The following DGKZ variants were observed in gnomAD, a reference collection of about 807,000 sequenced individuals.
DGKZ encodes the protein DAG kinase zeta.
DGKZ carries 45 observed loss-of-function variants against 142.5 expected under a neutral mutation model. That is an observed-to-expected ratio of 0.32 (90% CI 0.25 to 0.40). DGKZ has a LOEUF of 0.40. Among genes scored for constraint, DGKZ ranks in the 10% least tolerant of loss-of-function variants. The pLI is 1.00. For synonymous variants in DGKZ, 442 were observed against 527.0 expected (o/e 0.84, Z 2.21); for missense variants, 755 against 1,306.5 (o/e 0.58, Z 6.51).
At chr11:46,335,427 G>GCGCA (rs796839357) in intron 1 of DGKZ, among the ~76,000 whole-genome samples, 1 of 147,842 alleles carries the variant, frequency 6.8e-6, no homozygotes, top group African/African-American at 2.5e-5. Context: ...ACACGTGCAC[G>GCGCA]CACACACACA....
In DGKZ at chr11:46,367,797, G is replaced by A. The variant is rs1332617338; in HGVS notation, c.366+50G>A. On this transcript the variant is annotated intron_variant, in intron 3 of 30. Transcript: ENST00000527911. The surrounding 1 kb of genome is among the most constrained non-coding windows in gnomAD (Gnocchi z 4.1). Reference sequence around the variant, plus strand: ...CCCCCTGCTGGTGGAGCCAGTAGCCGCAGCCCTTCCGGGAACGTGGGATTG... The same window carrying A: ...CCCCCTGCTGGTGGAGCCAGTAGCCACAGCCCTTCCGGGAACGTGGGATTG... 7 of 1,605,324 alleles carry A rather than the reference G, an allele frequency of 4.4e-6. No individual in the cohort carries two copies. The highest frequency in any genetic ancestry group is 4.3e-6 in the Non-Finnish European group (5 of 1,173,438).
In DGKZ at chr11:46,378,543, C is replaced by T. The variant is rs368086092; in HGVS notation, c.2418+43C>T. ...CAGTTCCTTCCCCCAGCAGCTCCCT[C>T]GGGCCCTGGGGAGCGAGGCCTCTGG... On this transcript the variant is annotated intron_variant, in intron 27 of 30. Coordinates refer to ENST00000527911, the Ensembl canonical transcript of DGKZ. The T allele has an allele frequency of 3.3e-5, 53 of 1,612,542 alleles. No homozygotes were observed. The African/African-American group carries it at 5.2e-4, about 16-fold the overall frequency.
At chr11:46,379,431 G>C in intron 29 of DGKZ, 38 bp from the exon 30 acceptor site, 1 of 1,596,078 alleles carries the variant, frequency 6.3e-7, no homozygotes, top group Non-Finnish European at 8.5e-7. Flanking sequence ...TGGATCAGGG[G>C]ACGGGATGGG....
At chr11:46,359,065 C>T (rs1942341257) in intron 1 of DGKZ, among the ~76,000 whole-genome samples, 1 of 151,980 alleles carries the variant, frequency 6.6e-6, no homozygotes, top group Non-Finnish European at 1.5e-5. Context: ...ATCACTTGAG[C>T]CTGGGAGGAG....
chr11:46,376,662 C>T, intron 24 of DGKZ, 98 bp downstream of exon 24: 1 of 1,486,288 alleles, frequency 6.7e-7, no homozygotes, highest in East Asian at 2.3e-5. Flanking sequence ...GATGGGCTCA[C>T]CTCTGTCCTC....
intron 29 of DGKZ, 112 bp from the exon 30 acceptor site, chr11:46,379,357 A>G: frequency 6.4e-7 from 1 of 1,568,122 alleles, no homozygotes; most frequent in South Asian, 1.2e-5. Flanking sequence ...CCCCTGGGCC[A>G]CCCCTATTGC....
Position 46,372,367 on chromosome 11 carries a change from C to T in DGKZ, c.928-61C>T. The stretch of plus-strand genomic sequence containing the variant: ...TTCCCACAGTCACACCCCTCTCCCT[C>T]TGCTGCTCCCACTTCGTCCCACCAC... On this transcript the variant is annotated intron_variant, in intron 10 of 30. Transcript: ENST00000527911. This position sits in a 1 kb window ranked among gnomAD's most constrained non-coding sequence, Gnocchi z 5.9. 6.4e-7 allele frequency: 1 copy of T among 1,573,038 alleles called. No individual in the cohort carries two copies. Among genetic ancestry groups the T allele is most frequent in the South Asian group, 1.1e-5 (1 of 89,980 alleles).
At chr11:46,377,502 C>A (rs1183605016) in intron 25 of DGKZ, 2 of 464,968 alleles carry the variant, frequency 4.3e-6, no homozygotes, top group African/African-American at 4.0e-5. Context: ...CCTACTGCCA[C>A]CAGCCCTTCC....
At chr11:46,370,584 G>C (rs933566032) in intron 6 of DGKZ, among the ~76,000 whole-genome samples, 1 of 152,194 alleles carries the variant, frequency 6.6e-6, no homozygotes, top group Non-Finnish European at 1.5e-5. Flanking sequence ...GGAAGCGGCA[G>C]TAAATTTCTT....
chr11:46,364,721 C>G (rs1943063063), intron 1 of DGKZ: 1 of 985,340 alleles, frequency 1.0e-6, no homozygotes, highest in African/African-American at 1.7e-5. Flanking sequence ...GACGTGCGGC[C>G]TGGGCCTGAC....
chr11:46,361,719 C>T (rs570745637), intron 1 of DGKZ: 2 of 967,930 alleles, frequency 2.1e-6, no homozygotes, highest in East Asian at 1.1e-4. Flanking sequence ...CAAAAGGGGC[C>T]CCCAGCCCCT....
chr11:46,345,511 G>A (rs566687195), upstream of DGKZ: 28 of 1,519,104 alleles, frequency 1.8e-5, no homozygotes, highest in South Asian at 6.2e-5. This position sits in a 1 kb window ranked among gnomAD's most constrained non-coding sequence, Gnocchi z 4.1. Flanking sequence ...GGGAGCGGCC[G>A]GGGTCACTGA....
chr11:46,370,082 C>T, intron 6 of DGKZ, 73 bp downstream of exon 6: 3 of 1,582,770 alleles, frequency 1.9e-6, no homozygotes, highest in South Asian at 2.2e-5. Flanking sequence ...GCCGGTGTGG[C>T]CTGCCGATCA....
intron 30 of DGKZ, 118 bp downstream of exon 30, chr11:46,379,686 AC>A: frequency 1.6e-6 from 2 of 1,284,594 alleles, no homozygotes; most frequent in South Asian, 1.5e-5. Flanking sequence ...ACCCTGGGAA[AC>A]CTGAGCCAGC....
chr11:46,365,697 G>A, intron 1 of DGKZ: 1 of 985,416 alleles, frequency 1.0e-6, no homozygotes, highest in Non-Finnish European at 1.2e-6. Flanking sequence ...GCCTCATTTT[G>A]TTATAGCTTG....
At position 46,367,709 on chromosome 11, in the gene DGKZ, T is replaced by A; in HGVS notation, c.328T>A (p.Cys110Ser). The A allele has an allele frequency of 6.2e-7, 1 of 1,612,454 alleles. No homozygotes were observed. ...CGAGACCAACGTGTCCGGGGACTTC[T>A]GCTACGTTGGGGAGCAGTACTGTGT... The change falls in exon 3 of 31, where the codon TGC becomes AGC. Residue 110 changes from cysteine to serine, a missense_variant. By Grantham distance (112) the Cys-to-Ser change is moderately radical. Coordinates refer to ENST00000527911, the Ensembl canonical transcript of DGKZ. The surrounding 1 kb of genome is among the most constrained non-coding windows in gnomAD (Gnocchi z 4.1).
intron 1 of DGKZ, among the ~76,000 whole-genome samples, chr11:46,361,299 C>T (rs1942619121): frequency 6.6e-6 from 1 of 152,206 alleles, no homozygotes; most frequent in South Asian, 2.1e-4. Flanking sequence ...CCCACTTCTC[C>T]CTCCTTAGAC....
At chr11:46,366,790 G>T in intron 1 of DGKZ, 1 of 1,547,574 alleles carries the variant, frequency 6.5e-7, no homozygotes. Flanking sequence ...ACGCTCTCTG[G>T]GGCCTGCACG....
intron 1 of DGKZ, chr11:46,366,736 C>A: frequency 6.4e-7 from 1 of 1,552,528 alleles, no homozygotes; most frequent in African/African-American, 1.4e-5. Context: ...GCTACCTGCG[C>A]CGAGCCTCCT....
Sources: gnomAD v4.1 joint callset for allele counts (sites outside exome capture counted in the v4.1 genomes callset) on GRCh38, gnomAD v4.1.1 for gene constraint, Gnocchi (gnomAD v3.1) non-coding constraint, MANE v1.5 for transcripts, NCBI Gene and HGNC (gene_info 2026-07-23, HGNC 2026-07-21) for gene names.